The following HAUS7 variants were observed in gnomAD, a reference collection of about 807,000 sequenced individuals.
The protein encoded by HAUS7 is HAUS augmin-like complex subunit 7.
HAUS7 carries 3 observed loss-of-function variants against 28.4 expected under a neutral mutation model. The observed-to-expected ratio is 0.11, with a 90% CI of 0.05 to 0.27. The LOEUF (loss-of-function observed/expected upper bound fraction) is 0.27. Ranked by LOEUF, HAUS7 falls within the 10% of genes least tolerant of loss-of-function variation. The pLI, the probability that HAUS7 is intolerant of heterozygous loss-of-function variation, is 1.00. For synonymous variants in HAUS7, 165 were observed against 132.1 expected (o/e 1.25, Z -1.71); for missense variants, 284 against 297.3 (o/e 0.96, Z 0.33).
chrX:153,455,796 G>A, intron 7 of HAUS7, 30 bp from the exon 8 acceptor site: 2 of 949,328 alleles, frequency 2.1e-6, no homozygotes, highest in Non-Finnish European at 3.0e-6. Context: ...GTCCCTTGAG[G>A]CTGCCCTGCC....
At chrX:153,461,454 C>A (rs2089389233) in intron 4 of HAUS7, 1 of 108,860 alleles carries the variant, frequency 9.2e-6, no homozygotes, top group Non-Finnish European at 1.9e-5. Context: ...ACTTTCTGCT[C>A]AATTTTGCTG....
chrX:153,479,397 GGC>G (rs782459585), intron 1 of HAUS7: 291 of 752,402 alleles, frequency 3.9e-4, no homozygotes, highest in Non-Finnish European at 4.3e-4. Flanking sequence ...GTGAGTAGCT[GGC>G]ACCAGCAGGA....
At chrX:153,461,498 C>G (rs1252484781) in intron 4 of HAUS7, 1 of 108,703 alleles carries the variant, frequency 9.2e-6, no homozygotes, top group Non-Finnish European at 1.9e-5. Context: ...ATTAAGTCTA[C>G]TAATTAAGAA....
intron 8 of HAUS7, 140 bp downstream of exon 8, chrX:153,455,402 A>AGCCCCTCCCC: frequency 2.1e-6 from 1 of 467,067 alleles, no homozygotes; most frequent in Non-Finnish European, 3.7e-6. Flanking sequence ...AGCCCAGCCC[A>AGCCCCTCCCC]GCCCCTCCCA....
At chrX:153,492,726 C>T (rs1368005256) in intron 1 of HAUS7, among the ~76,000 whole-genome samples, 5 of 111,162 alleles carry the variant, frequency 4.5e-5, no homozygotes, top group Non-Finnish European at 9.5e-5. Flanking sequence ...CCCTGTGTCT[C>T]CCCACACCCC....
At chrX:153,448,743 C>T (rs1200371696) in intron 9 of HAUS7, among the ~76,000 whole-genome samples, 1 of 111,714 alleles carries the variant, frequency 9.0e-6, no homozygotes, top group Non-Finnish European at 1.9e-5. Context: ...GAGCTGGGAG[C>T]TGCTCAGGCT....
At chrX:153,463,707 T>C (rs887552826) in intron 3 of HAUS7, among the ~76,000 whole-genome samples, 2 of 112,777 alleles carry the variant, frequency 1.8e-5, no homozygotes, top group East Asian at 5.6e-4. Context: ...TGCCCTGCTC[T>C]CCAGCCACAC....
Position 153,456,292 on chromosome X carries a change from A to G in HAUS7, c.678T>C (p.Ala226=). ...AELARQLQES[A]AKLHALRTEY... is the part of the protein sequence containing the mutation. Reference sequence around the variant, plus strand: ...CCGTTCTAAGCGCGTGCAACTTGGCAGCACTCTCCTGCAGCTGCCTGGCAA... The same window carrying G: ...CCGTTCTAAGCGCGTGCAACTTGGCGGCACTCTCCTGCAGCTGCCTGGCAA... Residue 226 remains alanine (A), a synonymous_variant, in exon 7 of 10, where the codon GCT becomes GCC. Coordinates refer to ENST00000370211, the MANE Select transcript of HAUS7 (RefSeq NM_001385482.1). 3.3e-6 allele frequency: 4 copies of G among 1,210,890 alleles called. No homozygotes were observed. The highest frequency in any genetic ancestry group is 4.5e-6 in the Non-Finnish European group (4 of 894,643).
intron 5 of HAUS7, 97 bp from the exon 6 acceptor site, chrX:153,456,748 G>A: frequency 3.0e-6 from 2 of 674,274 alleles, no homozygotes. Context: ...GCACATCGGG[G>A]CCAGGCACAG....
intron 8 of HAUS7, chrX:153,455,294 C>T (rs1325828829): frequency 2.3e-6 from 1 of 440,968 alleles, no homozygotes; most frequent in African/African-American, 2.5e-5. Flanking sequence ...CTGGGCCTAG[C>T]TAGTGCCTGC....
intron 1 of HAUS7, 115 bp downstream of exon 1, chrX:153,470,335 G>A: frequency 1.4e-6 from 1 of 734,658 alleles, no homozygotes; most frequent in South Asian, 2.5e-5. Context: ...GGCGCAGCCG[G>A]AACCGGCGAC....
Position 153,470,459 on chromosome X carries a change from C to T in HAUS7, c.99G>A (p.Gly33=). ...SVSRAAVEVF[G]KLKDLNCPFL... ...TCTGGGCCAACAGCACCTTCAGCTTCCCGAACACCTCCACAGCCGCCCTGG... is the reference window on the plus strand; with the variant it reads ...TCTGGGCCAACAGCACCTTCAGCTTTCCGAACACCTCCACAGCCGCCCTGG... Residue 33 remains glycine, a synonymous_variant, in exon 1 of 10, where the codon GGG becomes GGA. Transcript: ENST00000370211. 8.3e-7 allele frequency: 1 copy of T among 1,208,598 alleles called. No individual in the cohort carries two copies.
chrX:153,468,352 A>G, intron 2 of HAUS7, among the ~76,000 whole-genome samples: 1 of 112,517 alleles, frequency 8.9e-6, no homozygotes, highest in South Asian at 3.6e-4. Context: ...TCCTGTACCA[A>G]CAGACTACAG....
At chrX:153,471,262 A>G (rs2089521819), upstream of HAUS7, 1 of 221,160 alleles carries the variant, frequency 4.5e-6, no homozygotes, top group Admixed American at 5.6e-5. Context: ...CACCTTACCC[A>G]CTGGGTTGCT....
chrX:153,456,019 A>G lies in HAUS7; in HGVS notation c.705+246T>C, dbSNP rs188550125. ...AGAGGCCAGGCCAAGGGCTGCCAGG[A>G]GGACCACGTGCGGCAAGGCACATGG... On this transcript the variant is annotated intron_variant, in intron 7 of 9. Coordinates refer to ENST00000370211, the MANE Select transcript of HAUS7 (RefSeq NM_001385482.1). Among the ~76,000 whole-genome samples, 5 of 112,560 alleles carry G rather than the reference A, an allele frequency of 4.4e-5. No homozygotes were observed. In the East Asian group the frequency reaches 1.4e-3, roughly 32 times the overall value.
Position 153,470,480 on chromosome X carries a change from C to T in HAUS7, c.78G>A (p.Arg26=). The change falls in exon 1 of 10, where the codon AGG becomes AGA. Residue 26 remains arginine (R), a synonymous_variant. Coordinates refer to ENST00000370211, the MANE Select transcript of HAUS7 (RefSeq NM_001385482.1). ...SEDEGDSSVS[R]AAVEVFGKLK... is the part of the protein sequence containing the mutation. ...GCTTCCCGAACACCTCCACAGCCGC[C>T]CTGGACACGCTGCTGTCGCCCTCGT... is the stretch of plus-strand genomic sequence containing the variant. 2 of 1,208,568 alleles carry T rather than the reference C, an allele frequency of 1.7e-6. No homozygotes were observed. Among genetic ancestry groups the T allele is most frequent in the Non-Finnish European group, 2.2e-6 (2 of 893,781 alleles).
At chrX:153,488,438 C>A (rs1351257372) in intron 1 of HAUS7, among the ~76,000 whole-genome samples, 2 of 112,991 alleles carry the variant, frequency 1.8e-5, no homozygotes, top group Non-Finnish European at 3.8e-5. Context: ...CGCCTTGCTC[C>A]CATTCCATGG....
chrX:153,471,548 C>G (rs1248584494), upstream of HAUS7, among the ~76,000 whole-genome samples: 1 of 112,946 alleles, frequency 8.9e-6, no homozygotes, highest in African/African-American at 3.2e-5. Flanking sequence ...GCCCCTTACC[C>G]AGGGACCTGC....
chrX:153,478,550 A>G (rs928520767), intron 1 of HAUS7, among the ~76,000 whole-genome samples: 1 of 112,347 alleles, frequency 8.9e-6, no homozygotes, highest in Admixed American at 9.3e-5. Flanking sequence ...TGCCTGGAAC[A>G]CCCATGCTCC....
Sources: allele counts gnomAD v4.1 joint callset (sites outside exome capture counted in the v4.1 genomes callset), GRCh38; gene constraint gnomAD v4.1.1; transcripts MANE v1.5; gene names NCBI Gene and HGNC (gene_info 2026-07-23, HGNC 2026-07-21).